The following STAP1 variants were observed in gnomAD, a reference collection of about 807,000 sequenced individuals.
STAP1 encodes the protein signal-transducing adaptor protein 1.
A neutral mutation model predicts 37.8 loss-of-function variants in STAP1; 30 were observed. That is an observed-to-expected ratio of 0.79 (90% confidence interval 0.59 to 1.08). The LOEUF is 1.08. Among genes scored for constraint, STAP1 ranks in the 50% least tolerant of loss-of-function variants. STAP1 has a pLI of 0.00. For missense variants in STAP1, 357 were observed against 349.4 expected (o/e 1.02, Z -0.17); for synonymous variants, 130 against 116.0 (o/e 1.12, Z -0.78).
intron 5 of STAP1, 122 bp from the exon 6 acceptor site, chr4:67,583,452 A>G: frequency 9.9e-7 from 1 of 1,013,422 alleles, no homozygotes; most frequent in Non-Finnish European, 1.4e-6. Context: ...GAATAATCAA[A>G]CCGGAAGTTT....
intron 6 of STAP1, among the ~76,000 whole-genome samples, chr4:67,590,042 C>A: frequency 6.6e-6 from 1 of 152,102 alleles, no homozygotes; most frequent in Non-Finnish European, 1.5e-5. Context: ...GGGCTCAAGT[C>A]ATCCTCATGC....
intron 1 of STAP1, among the ~76,000 whole-genome samples, chr4:67,565,988 G>A (rs1387424125): frequency 1.8e-5 from 2 of 111,218 alleles, no homozygotes; most frequent in African/African-American, 3.5e-5. Flanking sequence ...TTTCTCTGTC[G>A]CCCAGTCTAG....
At chr4:67,562,484 A>C (rs1727370476) in intron 1 of STAP1, among the ~76,000 whole-genome samples, 1 of 151,932 alleles carries the variant, frequency 6.6e-6, no homozygotes, top group Non-Finnish European at 1.5e-5. Context: ...ATATTAATTC[A>C]GCCGGGCGTG....
At chr4:67,593,392 C>A in intron 8 of STAP1, 36 bp downstream of exon 8, 2 of 1,375,518 alleles carry the variant, frequency 1.5e-6, no homozygotes, top group Non-Finnish European at 1.0e-6. Flanking sequence ...TTAAGGGAAA[C>A]AAAACAAAAC....
Position 67,571,090 on chromosome 4 carries a change from G to C in STAP1, c.127G>C (p.Glu43Gln). ...LIKRSGYREYEHYWTELRGTT... is the reference protein window; with the variant it reads ...LIKRSGYREYQHYWTELRGTT... ...TATGGTTTCTTTCCCACAGGAGTAT[G>C]AGCATTACTGGACAGAGTTGAGAGG... Residue 43 changes from glutamate to glutamine, a missense_variant, in exon 2 of 9, where the codon GAG becomes CAG. Physicochemically the swap from Glu to Gln is conservative, Grantham distance 29. Coordinates refer to ENST00000265404, the MANE Select transcript of STAP1 (RefSeq NM_012108.4). The C allele has an allele frequency of 6.2e-7, 1 of 1,610,794 alleles. No individual in the cohort carries two copies. Among genetic ancestry groups the C allele is most frequent in the Non-Finnish European group, 8.5e-7 (1 of 1,177,288 alleles).
At chr4:67,559,033 T>C in intron 1 of STAP1, 104 bp downstream of exon 1, 1 of 1,144,194 alleles carries the variant, frequency 8.7e-7, no homozygotes, top group Admixed American at 2.8e-5. Flanking sequence ...CTGTTGAAAT[T>C]AAATCATCTT....
intron 8 of STAP1, among the ~76,000 whole-genome samples, chr4:67,597,821 T>G (rs1452125988): frequency 6.6e-6 from 1 of 152,218 alleles, no homozygotes; most frequent in Non-Finnish European, 1.5e-5. Context: ...GTACCCCCAT[T>G]GTATCTTGGA....
intron 8 of STAP1, among the ~76,000 whole-genome samples, chr4:67,594,956 G>A (rs955117614): frequency 4.6e-5 from 7 of 152,114 alleles, no homozygotes; most frequent in African/African-American, 1.7e-4. Context: ...GTGCATGTGT[G>A]TGATTGGGAA....
At chr4:67,580,714 G>A (rs975157918) in intron 4 of STAP1, among the ~76,000 whole-genome samples, 9 of 152,310 alleles carry the variant, frequency 5.9e-5, no homozygotes, top group African/African-American at 2.2e-4. Context: ...GAGTCAATCT[G>A]AAATACATCT....
chr4:67,572,865 T>G (rs1727637132), intron 2 of STAP1, among the ~76,000 whole-genome samples: 1 of 152,170 alleles, frequency 6.6e-6, no homozygotes, highest in African/African-American at 2.4e-5. Context: ...GATTAAGAAT[T>G]GTACAAGGTT....
At chr4:67,590,119 T>A (rs1436186328) in intron 6 of STAP1, among the ~76,000 whole-genome samples, 6 of 152,144 alleles carry the variant, frequency 3.9e-5, no homozygotes, top group Admixed American at 2.0e-4. Flanking sequence ...CCTAATATTT[T>A]AAAAACTCAA....
intron 8 of STAP1, among the ~76,000 whole-genome samples, chr4:67,599,501 G>T (rs986725163): frequency 4.6e-5 from 7 of 152,042 alleles, no homozygotes; most frequent in African/African-American, 1.4e-4. Context: ...GCATATAGTT[G>T]CTCATAGTAG....
chr4:67,567,873 GC>G (rs1476562799), intron 1 of STAP1, among the ~76,000 whole-genome samples: 5 of 152,214 alleles, frequency 3.3e-5, no homozygotes, highest in African/African-American at 1.2e-4. Flanking sequence ...CCATAGCCAA[GC>G]AAGCCCAGAT....
intron 3 of STAP1, among the ~76,000 whole-genome samples, chr4:67,576,422 G>C (rs1328677358): frequency 6.6e-6 from 1 of 151,966 alleles, no homozygotes; most frequent in African/African-American, 2.4e-5. Context: ...AGCACTTAAA[G>C]GTACTTAGTA....
chr4:67,573,715 C>A (rs998009412), intron 2 of STAP1, among the ~76,000 whole-genome samples: 1 of 152,100 alleles, frequency 6.6e-6, no homozygotes, highest in Admixed American at 6.6e-5. Flanking sequence ...CCAACTCGAA[C>A]TTTCTCTCAA....
At chr4:67,602,226 G>A (rs1262871922) in intron 8 of STAP1, among the ~76,000 whole-genome samples, 1 of 151,966 alleles carries the variant, frequency 6.6e-6, no homozygotes, top group African/African-American at 2.4e-5. Flanking sequence ...TAAATTATGT[G>A]ATGGGATTCT....
chr4:67,606,363 A>C lies in STAP1; in HGVS notation c.*6A>C. ...AAAATCCACACATTGCATGAAATAC[A>C]ATGTGAAAGCTCCTTTGTATATCTT... On this transcript the variant is annotated 3_prime_UTR_variant, in exon 9 of 9. Transcript: ENST00000265404. 1.9e-6 allele frequency: 3 copies of C among 1,608,710 alleles called. No individual in the cohort carries two copies. The highest frequency in any genetic ancestry group is 2.5e-6 in the Non-Finnish European group (3 of 1,177,890).
At chr4:67,583,549 C>G in intron 5 of STAP1, 25 bp from the exon 6 acceptor site, 1 of 1,562,428 alleles carries the variant, frequency 6.4e-7, no homozygotes, top group Non-Finnish European at 8.6e-7. Flanking sequence ...AAAAACAATT[C>G]TGTTTTTTTA....
intron 6 of STAP1, among the ~76,000 whole-genome samples, chr4:67,589,768 G>T (rs1728081130): frequency 6.6e-6 from 1 of 151,812 alleles, no homozygotes; most frequent in Non-Finnish European, 1.5e-5. Flanking sequence ...GTGTAAATTT[G>T]CTTAGTTCTA....
Sources: gnomAD v4.1 joint callset for allele counts (sites outside exome capture counted in the v4.1 genomes callset) on GRCh38, gnomAD v4.1.1 for gene constraint, MANE v1.5 for transcripts, NCBI Gene and HGNC (gene_info 2026-07-23, HGNC 2026-07-21) for gene names.